The following SYNE2 variants were observed in gnomAD, a reference collection of about 807,000 sequenced individuals.
SYNE2 encodes the protein nesprin-2.
Under a neutral mutation model 856.3 loss-of-function variants are expected in SYNE2, and 431 were observed. The ratio of observed to expected loss-of-function variants is 0.50; its 90% CI spans 0.47 to 0.55. The LOEUF (loss-of-function observed/expected upper bound fraction) is 0.55. SYNE2 is among the 20% of genes least tolerant of loss of function. The pLI is 0.00. For synonymous variants in SYNE2, 2,923 were observed against 2,872.3 expected (o/e 1.02, Z -0.56); for missense variants, 8,129 against 8,023.2 (o/e 1.01, Z -0.50).
intron 83 of SYNE2, among the ~76,000 whole-genome samples, chr14:64,145,291 A>G (rs2098173284): frequency 6.6e-6 from 1 of 151,860 alleles, no homozygotes; most frequent in Admixed American, 6.5e-5. Context: ...TAATCCCAGC[A>G]CTTTGGGAGG....
chr14:63,956,634 C>G (rs1304053999), intron 8 of SYNE2, among the ~76,000 whole-genome samples: 1 of 151,994 alleles, frequency 6.6e-6, no homozygotes, highest in East Asian at 1.9e-4. Flanking sequence ...ACAGCCTGCC[C>G]TTCATGTCTG....
intron 82 of SYNE2, among the ~76,000 whole-genome samples, chr14:64,142,578 G>A (rs1595805707): frequency 6.6e-6 from 1 of 152,218 alleles, no homozygotes; most frequent in East Asian, 1.9e-4. Context: ...TGACTTTCCT[G>A]GATTAGATGT....
At chr14:64,036,288 TTTTG>T (rs1331399422) in intron 45 of SYNE2, among the ~76,000 whole-genome samples, 18 of 152,122 alleles carry the variant, frequency 1.2e-4, no homozygotes, top group Middle Eastern at 3.4e-3. Flanking sequence ...CTATCGTTCT[TTTTG>T]TTTGTTTGTT....
chr14:64,008,098 G>T (rs2096813401), intron 31 of SYNE2, among the ~76,000 whole-genome samples: 1 of 152,100 alleles, frequency 6.6e-6, no homozygotes, highest in Non-Finnish European at 1.5e-5. Flanking sequence ...ACATTCCTTT[G>T]CCTGTGTCAC....
At position 64,212,891 on chromosome 14, in the gene SYNE2, C is replaced by T. The variant is rs146572710; in HGVS notation, c.18942C>T (p.Ser6314=). 44 of 1,614,142 alleles carry T rather than the reference C, an allele frequency of 2.7e-5. No homozygotes were observed. The highest frequency in any genetic ancestry group is 1.3e-4 in the East Asian group (6 of 44,870). ...IVFGEQLIQK[S]EPLDAVLIED... is the part of the protein sequence containing the mutation. ...TTGGGGAGCAGCTGATTCAGAAGAG[C>T]GAGCCCCTGGATGCTGTGCTGATTG... is the stretch of plus-strand genomic sequence containing the variant. The change falls in exon 105 of 116, where the codon AGC becomes AGT. Residue 6314 remains serine (S), a synonymous_variant. Coordinates refer to ENST00000555002, the MANE Select transcript of SYNE2 (RefSeq NM_182914.3).
intron 1 of SYNE2, among the ~76,000 whole-genome samples, chr14:63,875,912 C>T (rs529032337): frequency 2.0e-5 from 3 of 152,174 alleles, no homozygotes; most frequent in Admixed American, 6.6e-5. Flanking sequence ...TGACTTGATG[C>T]GAGAAACCCC....
intron 1 of SYNE2, among the ~76,000 whole-genome samples, chr14:63,904,097 A>G (rs1471594535): frequency 2.0e-5 from 3 of 152,048 alleles, no homozygotes; most frequent in Non-Finnish European, 4.4e-5. Flanking sequence ...TCCTGTGTTA[A>G]TTCGCTTAGG....
chr14:64,053,467 T>C lies in SYNE2; in HGVS notation c.9554T>C (p.Ile3185Thr), dbSNP rs769011748. Residue 3185 changes from isoleucine to threonine, a missense_variant, in exon 48 of 116, where the codon ATT becomes ACT. Around this residue, in one of 3 missense-constraint regions of SYNE2, gnomAD observed 5,410 missense variants for 5,284.8 expected, o/e 1.02. Transcript: ENST00000555002. ...PLLINLEIKH[I>T]QNEKDNCEAF... ...CTTATAAATTTGGAAATTAAACATA[T>C]TCAAAATGAAAAGGACAATTGTGAA... 11 of 1,613,902 alleles carry C rather than the reference T, an allele frequency of 6.8e-6. No homozygotes were observed. In the South Asian group the frequency reaches 7.7e-5, roughly 11 times the overall value.
At chr14:64,202,164 T>G in intron 99 of SYNE2, 1 of 702,066 alleles carries the variant, frequency 1.4e-6, no homozygotes, top group Non-Finnish European at 2.6e-6. Context: ...GCGTGCAGAT[T>G]TCCTTTGCCC....
intron 1 of SYNE2, among the ~76,000 whole-genome samples, chr14:63,863,780 TC>T (rs1201160438): frequency 6.6e-6 from 1 of 152,198 alleles, no homozygotes; most frequent in African/African-American, 2.4e-5. Flanking sequence ...TTATTAGAAT[TC>T]TGTTTATTAA....
rs1162485248 is a variant in SYNE2, at chr14:64,070,655, A to G, written c.10442A>G (p.Glu3481Gly). 3.1e-6 allele frequency: 5 copies of G among 1,613,212 alleles called. No homozygotes were observed. Among genetic ancestry groups the G allele is most frequent in the Non-Finnish European group, 4.2e-6 (5 of 1,179,598 alleles). The change falls in exon 52 of 116, where the codon GAG (glutamate) becomes GGG (glycine). Residue 3481 changes from glutamate (E) to glycine (G), a missense_variant. This residue lies in a region of SYNE2 where 5,410 missense variants were observed against 5,284.8 expected (regional missense o/e 1.02). Transcript: ENST00000555002. ...WKFVSEEIER[E>G]AIILDNLQEE... ...TGTTTTTTGAATTAGATTGAACGAG[A>G]GGCAATTATTTTAGATAATCTTCAG...
rs576944740 is a variant in SYNE2 at position 64,009,698 on chromosome 14, G to C, written c.4578-268G>C. On this transcript the variant is annotated intron_variant, in intron 31 of 115. Transcript: ENST00000555002. ...TGAGATGCTGATTCCTTAGGGTGAT[G>C]AATCTTGTGTTTCTTTCTAGACCTT... Among the ~76,000 whole-genome samples, 89 of 152,270 alleles carry C rather than the reference G, an allele frequency of 5.8e-4. 1 individual carries two copies. The highest frequency in any genetic ancestry group is 1.7e-3 in the African/African-American group (72 of 41,538).
chr14:63,955,236 G>A (rs932691050), intron 8 of SYNE2, among the ~76,000 whole-genome samples: 3 of 152,032 alleles, frequency 2.0e-5, no homozygotes, highest in African/African-American at 7.2e-5. Context: ...TTTGTAAGAT[G>A]TTTCTCTGAG....
At chr14:64,109,551 T>A (rs1035254169) in intron 65 of SYNE2, among the ~76,000 whole-genome samples, 8 of 152,222 alleles carry the variant, frequency 5.3e-5, no homozygotes, top group South Asian at 2.1e-4. Context: ...ACTATTAGGC[T>A]CCAGTGACTC....
At chr14:63,838,107 C>T (rs566072573) in intron 1 of SYNE2, among the ~76,000 whole-genome samples, 35 of 151,574 alleles carry the variant, frequency 2.3e-4, no homozygotes, top group Admixed American at 6.6e-5. Context: ...CAGTGGCTGA[C>T]GCCTGTAATC....
intron 2 of SYNE2, among the ~76,000 whole-genome samples, chr14:63,930,850 A>G (rs569773512): frequency 3.3e-5 from 5 of 152,264 alleles, no homozygotes; most frequent in African/African-American, 4.8e-5. Context: ...ACAAGCAAAC[A>G]TAAGTGTTTC....
chr14:64,077,581 T>G (rs2097474931), intron 54 of SYNE2, among the ~76,000 whole-genome samples: 1 of 152,188 alleles, frequency 6.6e-6, no homozygotes, highest in African/African-American at 2.4e-5. Context: ...AGTTTCAGCA[T>G]CTGTATACTG....
intron 8 of SYNE2, among the ~76,000 whole-genome samples, chr14:63,957,038 G>A (rs2153439724): frequency 6.6e-6 from 1 of 151,754 alleles, no homozygotes; most frequent in Middle Eastern, 3.4e-3. Flanking sequence ...ACAATATATG[G>A]TCTTTGTGAC....
intron 31 of SYNE2, among the ~76,000 whole-genome samples, chr14:64,008,645 A>G (rs930764729): frequency 1.3e-5 from 2 of 152,092 alleles, no homozygotes; most frequent in Admixed American, 6.5e-5. Flanking sequence ...TCCTCTGTCC[A>G]TCCCTCTTAC....
Sources: allele counts gnomAD v4.1 joint callset (sites outside exome capture counted in the v4.1 genomes callset), GRCh38; gene constraint gnomAD v4.1.1; regional missense constraint gnomAD v4.1.1; transcripts MANE v1.5; gene names NCBI Gene and HGNC (gene_info 2026-07-23, HGNC 2026-07-21).